Variants in DOP1B observed in about 807,000 individuals in gnomAD.
DOP1B encodes the protein DOP1 leucine zipper like protein B.
In DOP1B, 174 loss-of-function variants were observed where a neutral mutation model predicts 233.5. That is an observed-to-expected ratio of 0.75 (90% confidence interval 0.66 to 0.85). The LOEUF (loss-of-function observed/expected upper bound fraction) is 0.85. Among genes scored for constraint, DOP1B ranks in the 40% least tolerant of loss-of-function variants. The pLI, the probability that DOP1B is intolerant of heterozygous loss-of-function variation, is 0.00. For synonymous variants in DOP1B, 1,190 were observed against 1,185.6 expected (o/e 1.00, Z -0.08); for missense variants, 2,652 against 2,846.6 (o/e 0.93, Z 1.56).
At chr21:36,197,462 G>GCC in intron 2 of DOP1B, among the ~76,000 whole-genome samples, 1 of 152,162 alleles carries the variant, frequency 6.6e-6, no homozygotes, top group Non-Finnish European at 1.5e-5. Flanking sequence ...AATGCAGCTG[G>GCC]CATTGCACAT....
intron 4 of DOP1B, among the ~76,000 whole-genome samples, chr21:36,207,490 G>GT (rs1027284202): frequency 4.6e-4 from 56 of 120,910 alleles, no homozygotes; most frequent in African/African-American, 1.1e-3. Flanking sequence ...CAGCCAAACA[G>GT]TTTTTTTTGT....
chr21:36,199,441 TC>T (rs2066333287), intron 3 of DOP1B, among the ~76,000 whole-genome samples, 190 bp downstream of exon 3: 1 of 151,850 alleles, frequency 6.6e-6, no homozygotes, highest in Non-Finnish European at 1.5e-5. Context: ...TTGCTTTCTT[TC>T]TTTTTTTTTT....
intron 2 of DOP1B, among the ~76,000 whole-genome samples, chr21:36,172,653 C>T (rs2065982929): frequency 6.6e-6 from 1 of 152,104 alleles, no homozygotes; most frequent in Non-Finnish European, 1.5e-5. Context: ...TCCAGCTACT[C>T]AGAAGCCTGA....
At chr21:36,251,971 C>T (rs550653793) in intron 22 of DOP1B, among the ~76,000 whole-genome samples, 34 of 152,154 alleles carry the variant, frequency 2.2e-4, no homozygotes, top group African/African-American at 7.2e-4. Context: ...GAGGCCAAGA[C>T]GGGCAGATCG....
At chr21:36,241,300 AAAAG>A (rs1307562333) in intron 18 of DOP1B, among the ~76,000 whole-genome samples, 3 of 151,864 alleles carry the variant, frequency 2.0e-5, no homozygotes, top group Non-Finnish European at 4.4e-5. Flanking sequence ...TCTCAAAAAA[AAAAG>A]AAAGAAAAGA....
chr21:36,261,042 T>G (rs2067164198), intron 24 of DOP1B: 4 of 1,098,882 alleles, frequency 3.6e-6, no homozygotes, highest in Non-Finnish European at 4.4e-6. Context: ...AAACCACATA[T>G]AGGGAAGTGT....
At position 36,164,871 on chromosome 21, in the gene DOP1B, G is replaced by A. The variant is rs2065894597; in HGVS notation, c.138G>A (p.Lys46=). Reference sequence around the variant, plus strand: ...TATCTTCACTTGGCAAACTCAACAAGGTATGTAGGGTGTATCCTATTTGGA... The same window carrying A: ...TATCTTCACTTGGCAAACTCAACAAAGTATGTAGGGTGTATCCTATTTGGA... ...DLISSLGKLN[K]ALQSNLRYSL... Residue 46 remains lysine, a splice_region_variant and synonymous_variant, in exon 2 of 37, where the codon AAG becomes AAA. Coordinates refer to ENST00000691173, the MANE Select transcript of DOP1B (RefSeq NM_001320714.2). The A allele has an allele frequency of 6.3e-7, 1 of 1,599,406 alleles. No homozygotes were observed. Among genetic ancestry groups the A allele is most frequent in the African/African-American group, 1.3e-5 (1 of 74,200 alleles).
intron 7 of DOP1B, 40 bp from the exon 8 acceptor site, chr21:36,214,041 G>A (rs1452702651): frequency 6.7e-7 from 1 of 1,486,432 alleles, no homozygotes; most frequent in East Asian, 2.3e-5. Flanking sequence ...TCCTTTAAAA[G>A]CACAGCTCTC....
intron 23 of DOP1B, among the ~76,000 whole-genome samples, chr21:36,257,197 G>A (rs1484011111): frequency 6.6e-6 from 1 of 152,178 alleles, no homozygotes; most frequent in East Asian, 1.9e-4. Context: ...GAGGTGCAGA[G>A]CTCCTGTGCC....
chr21:36,281,591 T>G lies in DOP1B; in HGVS notation c.6140T>G (p.Leu2047Arg). 1 of 1,598,344 alleles carries G rather than the reference T, an allele frequency of 6.3e-7. No individual in the cohort carries two copies. Among genetic ancestry groups the G allele is most frequent in the Non-Finnish European group, 8.6e-7 (1 of 1,167,032 alleles). The change falls in exon 32 of 37, where the codon CTT (leucine) becomes CGT (arginine). Residue 2047 changes from leucine to arginine, a missense_variant. This residue lies in a region of DOP1B where 2,617 missense variants were observed against 2,794.3 expected (regional missense o/e 0.94). Coordinates refer to ENST00000691173, the MANE Select transcript of DOP1B (RefSeq NM_001320714.2). Reference protein sequence around the residue: ...VFSGELDQYHLYLPLIQERLT... With the variant: ...VFSGELDQYHRYLPLIQERLT... ...AGTGGAGAACTTGATCAATACCACC[T>G]TTACCTTCCACTGATACAAGGTAAG...
intron 32 of DOP1B, among the ~76,000 whole-genome samples, chr21:36,286,416 C>T (rs1419350970): frequency 1.3e-5 from 2 of 151,610 alleles, no homozygotes; most frequent in East Asian, 2.0e-4. Flanking sequence ...GGGCAGATCA[C>T]GTGAGGTCAG....
At chr21:36,235,482 T>C (rs2066814519) in intron 15 of DOP1B, among the ~76,000 whole-genome samples, 1 of 151,818 alleles carries the variant, frequency 6.6e-6, no homozygotes, top group Non-Finnish European at 1.5e-5. Flanking sequence ...CATCCAGCAC[T>C]TTAGGAGGCT....
chr21:36,254,190 C>G (rs1175818825), intron 23 of DOP1B, among the ~76,000 whole-genome samples: 5 of 152,068 alleles, frequency 3.3e-5, no homozygotes, highest in Admixed American at 3.3e-4. Flanking sequence ...TTAGCGCCTT[C>G]TGGGCACCAA....
intron 4 of DOP1B, among the ~76,000 whole-genome samples, chr21:36,204,473 C>G (rs548144491): frequency 6.6e-6 from 1 of 151,988 alleles, no homozygotes; most frequent in Admixed American, 6.6e-5. Flanking sequence ...TGAGCACTTG[C>G]GACGTGCATG....
rs553458880 is a variant in DOP1B at position 36,280,799 on chromosome 21, C to A, written c.6031+453C>A. Among the ~76,000 whole-genome samples the A allele has an allele frequency of 5.3e-5, 8 of 151,390 alleles. No individual in the cohort carries two copies. The East Asian group carries it at 1.6e-3, about 30-fold the overall frequency. On this transcript the variant is annotated intron_variant, in intron 31 of 36. Transcript: ENST00000691173. The stretch of plus-strand genomic sequence containing the variant: ...TGGGCGGATCACAGGGTCAGGAGAT[C>A]GAGACCATCCTGGCTAACACGGTGA...
In DOP1B at chr21:36,289,133, T is replaced by C; in HGVS notation, c.6442T>C (p.Leu2148=). ...GGAGATACCCCAGAGTGAACTCATCTTGTATTTATCAGCTTGCAAATTCTT... is the reference window on the plus strand; with the variant it reads ...GGAGATACCCCAGAGTGAACTCATCCTGTATTTATCAGCTTGCAAATTCTT... The part of the protein sequence containing the change: ...VGEIPQSELI[L]YLSACKFLDT... The change falls in exon 35 of 37, where the codon TTG becomes CTG. Residue 2148 remains leucine, a synonymous_variant. Transcript: ENST00000691173. The C allele has an allele frequency of 6.2e-7, 1 of 1,614,120 alleles. No homozygotes were observed. The highest frequency in any genetic ancestry group is 8.5e-7 in the Non-Finnish European group (1 of 1,180,000).
At chr21:36,266,240 G>A (rs935532911) in intron 26 of DOP1B, among the ~76,000 whole-genome samples, 3 of 152,100 alleles carry the variant, frequency 2.0e-5, no homozygotes, top group Admixed American at 6.5e-5. Flanking sequence ...GCAATGGCAC[G>A]ATCTCAGCTC....
intron 14 of DOP1B, among the ~76,000 whole-genome samples, chr21:36,232,486 C>T (rs990986775): frequency 2.6e-5 from 4 of 152,190 alleles, no homozygotes; most frequent in African/African-American, 9.7e-5. Context: ...CCTCACCTTG[C>T]AGCTGCATCA....
chr21:36,275,618 CAA>C (rs111840768), intron 27 of DOP1B, among the ~76,000 whole-genome samples: 34 of 132,290 alleles, frequency 2.6e-4, no homozygotes, highest in Middle Eastern at 4.1e-3. Context: ...GAACTTGTCT[CAA>C]AAAAAAAAAA....
Sources: allele counts gnomAD v4.1 joint callset (sites outside exome capture counted in the v4.1 genomes callset), GRCh38; gene constraint gnomAD v4.1.1; regional missense constraint gnomAD v4.1.1; transcripts MANE v1.5; gene names NCBI Gene and HGNC (gene_info 2026-07-23, HGNC 2026-07-21).